The following DPYD variants were observed in gnomAD, a reference collection of about 807,000 sequenced individuals.
The protein encoded by DPYD is dihydropyrimidine dehydrogenase [NADP(+)].
A neutral mutation model predicts 116.2 loss-of-function variants in DPYD; 109 were observed. The observed-to-expected ratio is 0.94, with a 90% confidence interval of 0.80 to 1.10. DPYD has a LOEUF of 1.10. Among genes scored for constraint, DPYD ranks in the 50% least tolerant of loss-of-function variants. The probability of loss-of-function intolerance (pLI) is 0.00; values close to 1 mark genes in which losing one functional copy is unlikely to be tolerated. For synonymous variants in DPYD, 440 were observed against 432.0 expected, an observed-to-expected ratio of 1.02 and a Z score of -0.23; for missense variants, 1,302 against 1,254.5, an observed-to-expected ratio of 1.04 and a Z score of -0.57.
intron 12 of DPYD, among the ~76,000 whole-genome samples, chr1:97,534,044 C>T (rs559475279): frequency 6.6e-6 from 1 of 152,202 alleles, no homozygotes; most frequent in African/African-American, 2.4e-5. Flanking sequence ...TTCCTAAACT[C>T]GGTGTCCTCA....
At chr1:97,675,825 T>C (rs1375984518) in intron 8 of DPYD, among the ~76,000 whole-genome samples, 3 of 149,918 alleles carry the variant, frequency 2.0e-5, no homozygotes, top group African/African-American at 7.4e-5. Flanking sequence ...CTCGGCTCAC[T>C]GCAACCTCCA....
rs1359295101 is a variant in DPYD at position 97,290,925 on chromosome 1, A to G, written c.2299+14334T>C. ...ACCTACAAAATGGGAGAAAATTTTC[A>G]CAACCTACTCATCTGACAAAGGGCT... On this transcript the variant is annotated intron_variant, in intron 18 of 22. Coordinates refer to ENST00000370192, the MANE Select transcript of DPYD (RefSeq NM_000110.4). 4.6e-5 allele frequency among the ~76,000 whole-genome samples: 7 copies of G among 151,752 alleles called. 1 individual carries two copies. The highest frequency in any genetic ancestry group is 3.9e-4 in the Admixed American group (6 of 15,246).
At chr1:97,626,967 A>G (rs1309829272) in intron 8 of DPYD, among the ~76,000 whole-genome samples, 4 of 152,032 alleles carry the variant, frequency 2.6e-5, no homozygotes, top group Admixed American at 2.6e-4. Flanking sequence ...ACTTATAAAC[A>G]GCAGAAACTC....
At chr1:97,563,833 A>G (rs1652334923) in intron 11 of DPYD, among the ~76,000 whole-genome samples, 1 of 152,164 alleles carries the variant, frequency 6.6e-6, no homozygotes, top group African/African-American at 2.4e-5. Flanking sequence ...CCCTTTCAAA[A>G]TAATTCCAAA....
chr1:97,246,753 G>C (rs1321794458), intron 18 of DPYD, among the ~76,000 whole-genome samples: 1 of 151,904 alleles, frequency 6.6e-6, no homozygotes, highest in East Asian at 1.9e-4. Flanking sequence ...TTTTTAAAAT[G>C]CATTAAAAAA....
intron 12 of DPYD, among the ~76,000 whole-genome samples, chr1:97,532,779 T>C (rs1443201285): frequency 1.3e-5 from 2 of 151,980 alleles, no homozygotes; most frequent in African/African-American, 4.8e-5. Context: ...GATAACAAAT[T>C]GTCAATTTTA....
rs368617815 is a variant in DPYD at position 97,082,351 on chromosome 1, G to A, written c.2886C>T (p.Thr962=). ...MCINCGKCYM[T]CNDSGYQAIQ... ...TTACCTGGTAGCCAGAATCATTACA[G>A]GTCATGTAGCATTTACCACAGTTGA... The change falls in exon 22 of 23, where the codon ACC becomes ACT. Residue 962 remains threonine, a synonymous_variant. Transcript: ENST00000370192. 2.9e-5 allele frequency: 47 copies of A among 1,613,352 alleles called. No individual in the cohort carries two copies. Among genetic ancestry groups the A allele is most frequent in the Admixed American group, 3.3e-5 (2 of 59,976 alleles).
intron 1 of DPYD, among the ~76,000 whole-genome samples, chr1:97,892,395 T>C (rs919456991): frequency 1.3e-5 from 2 of 151,796 alleles, no homozygotes; most frequent in African/African-American, 2.4e-5. Context: ...TCATTAGTCA[T>C]AGTGTAGAGT....
In DPYD at chr1:97,449,819, T is replaced by C. The variant is rs183546364; in HGVS notation, c.1905+240A>G. On this transcript the variant is annotated intron_variant, in intron 14 of 22. Coordinates refer to ENST00000370192, the MANE Select transcript of DPYD (RefSeq NM_000110.4). ...ATTTCATTTCTCTTCCTTCTGCTTA[T>C]GTAGATACTTCTTCCATCTTACATG... Among the ~76,000 whole-genome samples, 189 of 152,350 alleles carry C rather than the reference T, an allele frequency of 1.2e-3. 3 individuals are homozygous for C. The highest frequency in any genetic ancestry group is 3.1e-3 in the Admixed American group (47 of 15,294).
At chr1:97,112,842 C>T (rs1480670502) in intron 20 of DPYD, among the ~76,000 whole-genome samples, 1 of 152,118 alleles carries the variant, frequency 6.6e-6, no homozygotes, top group African/African-American at 2.4e-5. Context: ...ATTCGGTCAA[C>T]TTAGAGCATT....
chr1:97,571,257 T>A (rs983133016), intron 11 of DPYD, among the ~76,000 whole-genome samples: 1 of 151,918 alleles, frequency 6.6e-6, no homozygotes, highest in African/African-American at 2.4e-5. Context: ...GGTAATAGAG[T>A]GTCACAAACA....
chr1:97,653,573 G>T (rs1275682074), intron 8 of DPYD, among the ~76,000 whole-genome samples: 1 of 152,118 alleles, frequency 6.6e-6, no homozygotes, highest in East Asian at 1.9e-4. Flanking sequence ...AAAGTGCTGG[G>T]ATTACAGGTG....
At chr1:97,898,901 C>T (rs1673217096) in intron 1 of DPYD, among the ~76,000 whole-genome samples, 1 of 151,890 alleles carries the variant, frequency 6.6e-6, no homozygotes, top group African/African-American at 2.4e-5. Context: ...GAAGCCACCC[C>T]AGCCATGTGG....
intron 12 of DPYD, among the ~76,000 whole-genome samples, chr1:97,547,732 G>C (rs1651010582): frequency 6.6e-6 from 1 of 152,016 alleles, no homozygotes. Flanking sequence ...CCAGGCTAGA[G>C]TGCAGTGGTG....
intron 19 of DPYD, among the ~76,000 whole-genome samples, chr1:97,213,914 C>T (rs1006665317): frequency 6.6e-5 from 10 of 152,118 alleles, no homozygotes; most frequent in Non-Finnish European, 1.5e-4. Context: ...TACTAAAATG[C>T]CCATTTTAGA....
At chr1:97,576,747 T>C (rs899241313) in intron 10 of DPYD, among the ~76,000 whole-genome samples, 14 of 152,342 alleles carry the variant, frequency 9.2e-5, no homozygotes, top group African/African-American at 3.1e-4. Context: ...TTCAAATATC[T>C]GGCATTCTTA....
intron 19 of DPYD, among the ~76,000 whole-genome samples, chr1:97,216,294 T>G (rs1391242005): frequency 6.6e-6 from 1 of 152,168 alleles, no homozygotes; most frequent in Non-Finnish European, 1.5e-5. Flanking sequence ...TTTCGAATTT[T>G]TTTTTTATTA....
upstream of DPYD, chr1:97,921,049 G>A (rs989829928): frequency 8.0e-7 from 1 of 1,248,388 alleles, no homozygotes. Context: ...CCGGCGGCGC[G>A]GGGGCGGAGC....
At chr1:97,550,055 T>G (rs1050993328) in intron 11 of DPYD, among the ~76,000 whole-genome samples, 1 of 152,306 alleles carries the variant, frequency 6.6e-6, no homozygotes, top group South Asian at 2.1e-4. Flanking sequence ...TTTAAATACA[T>G]ACAAAATACA....
Sources: allele counts gnomAD v4.1 joint callset (sites outside exome capture counted in the v4.1 genomes callset), GRCh38; gene constraint gnomAD v4.1.1; transcripts MANE v1.5; gene names NCBI Gene and HGNC (gene_info 2026-07-23, HGNC 2026-07-21).